PRKCE: variants seen among roughly 807,000 people sequenced by gnomAD.
The protein encoded by PRKCE is protein kinase C epsilon type.
PRKCE carries 16 observed loss-of-function variants against 85.4 expected under a neutral mutation model. The observed-to-expected ratio is 0.19, with a 90% CI of 0.13 to 0.28. The LOEUF is 0.28. Ranked by LOEUF, PRKCE falls within the 10% of genes least tolerant of loss-of-function variation. The pLI is 1.00. For missense variants in PRKCE, 573 were observed against 975.2 expected, an observed-to-expected ratio of 0.59 and a Z score of 5.49; for synonymous variants, 388 against 371.5, an observed-to-expected ratio of 1.04 and a Z score of -0.51.
intron 1 of PRKCE, among the ~76,000 whole-genome samples, chr2:45,815,707 C>T (rs1688989060): frequency 6.6e-6 from 1 of 152,202 alleles, no homozygotes; most frequent in African/African-American, 2.4e-5. Flanking sequence ...ATACTACTTT[C>T]TATATCTTAT....
At chr2:46,150,933 A>T in intron 12 of PRKCE, 108 bp from the exon 13 acceptor site, 1 of 1,001,592 alleles carries the variant, frequency 1.0e-6, no homozygotes, top group Non-Finnish European at 1.4e-6. Context: ...ACTCAACTGT[A>T]GGGAGGAGCA....
chr2:45,698,504 C>A (rs1048603855), intron 1 of PRKCE, among the ~76,000 whole-genome samples: 4 of 151,424 alleles, frequency 2.6e-5, no homozygotes, highest in African/African-American at 9.7e-5. Flanking sequence ...CTCCAGTAAA[C>A]AGCAAGTTAA....
intron 6 of PRKCE, among the ~76,000 whole-genome samples, chr2:45,994,490 A>G (rs2104675892): frequency 6.6e-6 from 1 of 152,218 alleles, no homozygotes; most frequent in South Asian, 2.1e-4. Context: ...ACTTTTTACC[A>G]TTTTCATAGT....
intron 10 of PRKCE, among the ~76,000 whole-genome samples, chr2:46,018,213 G>C (rs1166891516): frequency 6.6e-6 from 1 of 152,220 alleles, no homozygotes; most frequent in Non-Finnish European, 1.5e-5. Context: ...AAATGGGCTG[G>C]AGTAGGATGA....
chr2:46,017,483 G>A (rs1164860040), intron 10 of PRKCE, among the ~76,000 whole-genome samples: 2 of 152,030 alleles, frequency 1.3e-5, no homozygotes, highest in African/African-American at 4.8e-5. Flanking sequence ...CCACGTTTTG[G>A]CTACTATGAA....
intron 1 of PRKCE, among the ~76,000 whole-genome samples, chr2:45,739,555 G>A (rs1298915874): frequency 1.3e-5 from 2 of 152,036 alleles, no homozygotes; most frequent in South Asian, 2.1e-4. Context: ...AAAACCTGAC[G>A]TTTATATAAA....
intron 10 of PRKCE, among the ~76,000 whole-genome samples, chr2:46,074,478 A>G (rs1006869749): frequency 6.6e-6 from 1 of 152,086 alleles, no homozygotes. Flanking sequence ...AACAGCAGCA[A>G]CAACAACAAT....
intron 10 of PRKCE, among the ~76,000 whole-genome samples, chr2:46,031,826 C>G (rs932604615): frequency 5.3e-5 from 8 of 152,234 alleles, no homozygotes; most frequent in African/African-American, 1.9e-4. Context: ...CTAGAGAATC[C>G]TGAATATCCC....
intron 11 of PRKCE, among the ~76,000 whole-genome samples, chr2:46,119,763 C>T (rs1007908947): frequency 3.3e-5 from 5 of 152,184 alleles, no homozygotes; most frequent in African/African-American, 1.2e-4. Flanking sequence ...TAGATTCTCA[C>T]TAAAATGGAG....
chr2:45,821,940 G>A (rs1689568007), intron 1 of PRKCE, among the ~76,000 whole-genome samples: 1 of 152,148 alleles, frequency 6.6e-6, no homozygotes. Context: ...GAATGGAACC[G>A]AAGGGTGGGC....
At chr2:46,046,674 A>C (rs1708542714) in intron 10 of PRKCE, among the ~76,000 whole-genome samples, 1 of 152,196 alleles carries the variant, frequency 6.6e-6, no homozygotes, top group Non-Finnish European at 1.5e-5. Flanking sequence ...TTTAAAAGTC[A>C]GTGGGGGAGG....
chr2:45,761,028 A>G (rs2104823379), intron 1 of PRKCE, among the ~76,000 whole-genome samples: 1 of 152,158 alleles, frequency 6.6e-6, no homozygotes, highest in South Asian at 2.1e-4. Flanking sequence ...GGGTGATTTT[A>G]CTTAAAAAAA....
chr2:45,851,743 G>A (rs1208138848), intron 2 of PRKCE: 3 of 152,218 alleles, frequency 2.0e-5, no homozygotes, highest in African/African-American at 7.2e-5. Flanking sequence ...CTGCCAGAGA[G>A]GAGTGACTCA....
intron 2 of PRKCE, among the ~76,000 whole-genome samples, chr2:45,930,382 C>G (rs1012588964): frequency 6.6e-6 from 1 of 152,142 alleles, no homozygotes; most frequent in Non-Finnish European, 1.5e-5. Context: ...ATATGATTAG[C>G]TAGTGGCAGA....
At chr2:45,664,520 C>G (rs968462588) in intron 1 of PRKCE, among the ~76,000 whole-genome samples, 1 of 152,182 alleles carries the variant, frequency 6.6e-6, no homozygotes, top group Non-Finnish European at 1.5e-5. Flanking sequence ...CCAGTAAAAC[C>G]TTTCCAGTCC....
chr2:46,004,092 G>A lies in PRKCE; in HGVS notation c.967-450G>A, dbSNP rs1284314717. The A allele has an allele frequency of 2.6e-5, 6 of 234,946 alleles. No homozygotes were observed. Among genetic ancestry groups the A allele is most frequent in the South Asian group, 1.2e-4 (2 of 16,076 alleles). 14.6% of individuals were successfully genotyped at this position (234,946 alleles called of 1,614,324 possible). A position where few individuals can be genotyped will look rare whatever the true frequency, so the allele number is the denominator to read the frequency against. On this transcript the variant is annotated intron_variant, in intron 7 of 14. Coordinates refer to ENST00000306156, the MANE Select transcript of PRKCE (RefSeq NM_005400.3). The surrounding 1 kb of genome is among the most constrained non-coding windows in gnomAD (Gnocchi z 4.1). ...CCACCTTGCTGGGGTAGATACCCAC[G>A]TGGATAGTTGAACATTAGCCTTTTC...
chr2:45,820,609 T>G (rs1338280952), intron 1 of PRKCE, among the ~76,000 whole-genome samples: 3 of 152,104 alleles, frequency 2.0e-5, no homozygotes, highest in Non-Finnish European at 2.9e-5. Flanking sequence ...AGTTGAAGAT[T>G]TTTTAACTTT....
chr2:46,031,627 TGTGTG>T (rs1218935580), intron 10 of PRKCE, among the ~76,000 whole-genome samples: 5 of 142,938 alleles, frequency 3.5e-5, no homozygotes, highest in Non-Finnish European at 7.6e-5. Context: ...TGTGTGTGTG[TGTGTG>T]TGTAGAAAAA....
At chr2:45,718,586 C>T (rs1680351547) in intron 1 of PRKCE, among the ~76,000 whole-genome samples, 1 of 152,034 alleles carries the variant, frequency 6.6e-6, no homozygotes. Context: ...TAGTGATCGG[C>T]CCACCTCGGC....
Sources: allele counts gnomAD v4.1 joint callset (sites outside exome capture counted in the v4.1 genomes callset), GRCh38; gene constraint gnomAD v4.1.1; non-coding constraint Gnocchi (gnomAD v3.1); transcripts MANE v1.5; gene names NCBI Gene and HGNC (gene_info 2026-07-23, HGNC 2026-07-21).